The following STAT4 variants were observed in gnomAD, a reference collection of about 807,000 sequenced individuals.
STAT4 encodes the protein signal transducer and activator of transcription 4.
Under a neutral mutation model 110.5 loss-of-function variants are expected in STAT4, and 42 were observed. That is an observed-to-expected ratio of 0.38 (90% CI 0.30 to 0.49). The LOEUF is 0.49. Among genes scored for constraint, STAT4 ranks in the 20% least tolerant of loss-of-function variants. The probability of loss-of-function intolerance (pLI) is 0.95; values close to 1 mark genes in which losing one functional copy is unlikely to be tolerated. For missense variants in STAT4, 632 were observed against 887.9 expected (o/e 0.71, Z 3.66); for synonymous variants, 284 against 302.2 (o/e 0.94, Z 0.63).
Position 191,138,550 on chromosome 2 carries a change from A to G in STAT4, c.273+8063T>C, listed in dbSNP as rs528952939. Among the ~76,000 whole-genome samples, 1 of 152,280 alleles carries G rather than the reference A, an allele frequency of 6.6e-6. No individual in the cohort carries two copies. Among genetic ancestry groups the G allele is most frequent in the African/African-American group, 2.4e-5 (1 of 41,562 alleles). On this transcript the variant is annotated intron_variant, in intron 3 of 23. Coordinates refer to ENST00000392320, the MANE Select transcript of STAT4 (RefSeq NM_003151.4). The surrounding 1 kb of genome is among the most constrained non-coding windows in gnomAD (Gnocchi z 4.3). ...GAAATATAAAACCCTCCTAAATTAAATCAGGAAGAAACAGAAACCCTGAAC... is the reference window on the plus strand; with the variant it reads ...GAAATATAAAACCCTCCTAAATTAAGTCAGGAAGAAACAGAAACCCTGAAC...
rs1695841138 is a variant in STAT4 at position 191,029,992 on chromosome 2, A to G, written c.2221-126T>C. ...CATAATTTTTCTATTACCTAGTTAA[A>G]ATACTTAAACTAAGTATTTGCAAAA... On this transcript the variant is annotated intron_variant, in intron 23 of 23. Coordinates refer to ENST00000392320, the MANE Select transcript of STAT4 (RefSeq NM_003151.4). The surrounding 1 kb of genome is among the most constrained non-coding windows in gnomAD (Gnocchi z 4.5). The G allele has an allele frequency of 1.3e-6, 1 of 749,696 alleles. No homozygotes were observed. The highest frequency in any genetic ancestry group is 2.5e-5 in the Admixed American group (1 of 40,204). 46.4% of individuals were successfully genotyped at this position (749,696 alleles called of 1,614,324 possible).
chr2:191,075,776 C>T (rs1231271615), intron 4 of STAT4, among the ~76,000 whole-genome samples: 1 of 151,634 alleles, frequency 6.6e-6, no homozygotes, highest in Non-Finnish European at 1.5e-5. Context: ...GATGGTGGCA[C>T]CACTAACATA....
At position 191,042,740 on chromosome 2, in the gene STAT4, A is replaced by G. The variant is rs925500084; in HGVS notation, c.1252-1592T>C. ...TAGGCAAAATATTAATCATTGTTGA[A>G]GTTAGGTGATGCTTAAATTCATTCA... is the stretch of plus-strand genomic sequence containing the variant. On this transcript the variant is annotated intron_variant, in intron 14 of 23. Coordinates refer to ENST00000392320, the MANE Select transcript of STAT4 (RefSeq NM_003151.4). The surrounding 1 kb of genome is among the most constrained non-coding windows in gnomAD (Gnocchi z 4.2). 6.6e-6 allele frequency among the ~76,000 whole-genome samples: 1 copy of G among 152,062 alleles called. No individual in the cohort carries two copies. Among genetic ancestry groups the G allele is most frequent in the African/African-American group, 2.4e-5 (1 of 41,406 alleles).
rs1695969951 is a variant in STAT4, at chr2:191,033,970, T to C, written c.1656A>G (p.Thr552=). 2.5e-6 allele frequency: 4 copies of C among 1,612,622 alleles called. No individual in the cohort carries two copies. The highest frequency in any genetic ancestry group is 2.5e-6 in the Non-Finnish European group (3 of 1,179,490). ...HLPGKSFTFW[T]WLEAILDLIK... is the part of the protein sequence containing the mutation. ...TTAGATCCAATATTGCTTCAAGCCA[T>C]GTCCAAAAGGTAAATGATTTACCAG... is the stretch of plus-strand genomic sequence containing the variant. The change falls in exon 19 of 24, where the codon ACA becomes ACG. Residue 552 remains threonine (T), a synonymous_variant. Transcript: ENST00000392320. This position sits in a 1 kb window ranked among gnomAD's most constrained non-coding sequence, Gnocchi z 6.9.
At chr2:191,069,234 T>C (rs1478733149) in intron 6 of STAT4, among the ~76,000 whole-genome samples, 1 of 152,082 alleles carries the variant, frequency 6.6e-6, no homozygotes, top group Non-Finnish European at 1.5e-5. Flanking sequence ...TGCTTTTGCC[T>C]ATATTTTAGG....
intron 4 of STAT4, among the ~76,000 whole-genome samples, chr2:191,074,313 G>A (rs936811424): frequency 2.0e-5 from 3 of 152,200 alleles, no homozygotes; most frequent in Admixed American, 6.5e-5. Context: ...ATTCAGTGCA[G>A]TAACCTCAAG....
chr2:191,142,761 A>T lies in STAT4; in HGVS notation c.273+3852T>A, dbSNP rs1426962555. On this transcript the variant is annotated intron_variant, in intron 3 of 23. Transcript: ENST00000392320. This position sits in a 1 kb window ranked among gnomAD's most constrained non-coding sequence, Gnocchi z 4.1. ...GTATATCAATAAAAAAAGAATTATC[A>T]CATGGGAGAAAAATCCAGAGAGTGA... Among the ~76,000 whole-genome samples, 4 of 152,164 alleles carry T rather than the reference A, an allele frequency of 2.6e-5. No homozygotes were observed. The highest frequency in any genetic ancestry group is 9.7e-5 in the African/African-American group (4 of 41,430).
At chr2:191,149,047 C>A (rs1699527188) in intron 1 of STAT4, among the ~76,000 whole-genome samples, 1 of 152,200 alleles carries the variant, frequency 6.6e-6, no homozygotes, top group Non-Finnish European at 1.5e-5. Flanking sequence ...AAGCTGTAGA[C>A]ATATTTCCTA....
chr2:191,093,218 C>T (rs1043212207), intron 3 of STAT4, among the ~76,000 whole-genome samples: 2 of 152,194 alleles, frequency 1.3e-5, no homozygotes, highest in Non-Finnish European at 2.9e-5. Context: ...AGTGTTTGAG[C>T]TCTGAGAATG....
chr2:191,130,220 C>CTTT (rs34523590), intron 3 of STAT4, among the ~76,000 whole-genome samples: 22 of 115,796 alleles, frequency 1.9e-4, no homozygotes, highest in Middle Eastern at 4.2e-3. Flanking sequence ...GTCTATCTCC[C>CTTT]TTTTTTTTTT....
chr2:191,043,902 T>A lies in STAT4; in HGVS notation c.1252-2754A>T, dbSNP rs1696276475. Among the ~76,000 whole-genome samples the A allele has an allele frequency of 6.6e-6, 1 of 151,616 alleles. No individual in the cohort carries two copies. The highest frequency in any genetic ancestry group is 1.5e-5 in the Non-Finnish European group (1 of 67,992). On this transcript the variant is annotated intron_variant, in intron 14 of 23. Coordinates refer to ENST00000392320, the MANE Select transcript of STAT4 (RefSeq NM_003151.4). This position sits in a 1 kb window ranked among gnomAD's most constrained non-coding sequence, Gnocchi z 4.8. ...TCTAAATTTATAATACAGAATAATATAAAGTATATAGAAACATATTCATTC... is the reference window on the plus strand; with the variant it reads ...TCTAAATTTATAATACAGAATAATAAAAAGTATATAGAAACATATTCATTC...
chr2:191,110,974 C>T lies in STAT4; in HGVS notation c.274-34649G>A, dbSNP rs1266556107. Among the ~76,000 whole-genome samples the T allele has an allele frequency of 6.6e-6, 1 of 152,042 alleles. No homozygotes were observed. The highest frequency in any genetic ancestry group is 1.5e-5 in the Non-Finnish European group (1 of 68,004). On this transcript the variant is annotated intron_variant, in intron 3 of 23. Coordinates refer to ENST00000392320, the MANE Select transcript of STAT4 (RefSeq NM_003151.4). This position sits in a 1 kb window ranked among gnomAD's most constrained non-coding sequence, Gnocchi z 4.5. ...AATTTTTCTGTATTTTTAGTAGAGA[C>T]AAGGTTTCACCATGTTGCCCAGGCT...
At position 191,033,019 on chromosome 2, in the gene STAT4, T is replaced by C. The variant is rs767240927; in HGVS notation, c.1983A>G (p.Leu661=). The change falls in exon 21 of 24, where the codon CTA becomes CTG. Residue 661 remains leucine (L), a synonymous_variant. Coordinates refer to ENST00000392320, the MANE Select transcript of STAT4 (RefSeq NM_003151.4). The surrounding 1 kb of genome is among the most constrained non-coding windows in gnomAD (Gnocchi z 6.9). The part of the protein sequence containing the change: ...ENIPENPLKY[L]YPDIPKDKAF... The stretch of plus-strand genomic sequence containing the variant: ...CTTTGTCTTTGGGAATGTCAGGATA[T>C]AGGTACTTCAGAGGGTTTTCAGGAA... The C allele has an allele frequency of 8.7e-6, 14 of 1,614,086 alleles. No homozygotes were observed. In the Admixed American group the frequency reaches 2.0e-4, roughly 23 times the overall value.
At position 191,131,166 on chromosome 2, in the gene STAT4, T is replaced by G. The variant is rs545738494; in HGVS notation, c.273+15447A>C. ...AAAAACAATTTGGCATTATGTAATA[T>G]AATTAAAGATGTACATAGTGCATGA... On this transcript the variant is annotated intron_variant, in intron 3 of 23. Transcript: ENST00000392320. Among the ~76,000 whole-genome samples the G allele has an allele frequency of 5.7e-4, 87 of 151,896 alleles. 1 individual carries two copies. The South Asian group carries it at 0.018, about 31-fold the overall frequency.
intron 4 of STAT4, among the ~76,000 whole-genome samples, chr2:191,073,688 TCAAA>T (rs35290875): frequency 5.3e-5 from 8 of 151,016 alleles, no homozygotes; most frequent in African/African-American, 7.3e-5. Context: ...AGACTCCGTC[TCAAA>T]CAAACAAACA....
At chr2:191,148,426 C>T (rs764618514) in intron 1 of STAT4, among the ~76,000 whole-genome samples, 1 of 152,030 alleles carries the variant, frequency 6.6e-6, no homozygotes, top group African/African-American at 2.4e-5. Flanking sequence ...AAAATGAACT[C>T]CTGTTCTACC....
intron 13 of STAT4, among the ~76,000 whole-genome samples, chr2:191,055,510 C>A (rs1411139436): frequency 1.3e-5 from 2 of 151,126 alleles, no homozygotes; most frequent in African/African-American, 2.4e-5. Flanking sequence ...TGAGCCACTG[C>A]GCCAGGCTAA....
chr2:191,041,910 A>G (rs1574700991), intron 14 of STAT4, among the ~76,000 whole-genome samples: 1 of 152,216 alleles, frequency 6.6e-6, no homozygotes, highest in East Asian at 1.9e-4. Context: ...GGCTCTCTAC[A>G]TTCTGGGAAC....
In STAT4 at chr2:191,061,988, C is replaced by A. The variant is rs1217180839; in HGVS notation, c.942-167G>T. Among the ~76,000 whole-genome samples the A allele has an allele frequency of 6.6e-6, 1 of 152,210 alleles. No homozygotes were observed. The highest frequency in any genetic ancestry group is 1.5e-5 in the Non-Finnish European group (1 of 68,028). ...ATCTTTACAATGACTTTTTATAAAT[C>A]ATTTCACAGCAGTAAATGATTCTTA... On this transcript the variant is annotated intron_variant, in intron 9 of 23. Coordinates refer to ENST00000392320, the MANE Select transcript of STAT4 (RefSeq NM_003151.4). The surrounding 1 kb of genome is among the most constrained non-coding windows in gnomAD (Gnocchi z 6.2).
Sources: gnomAD v4.1 joint callset for allele counts (sites outside exome capture counted in the v4.1 genomes callset) on GRCh38, gnomAD v4.1.1 for gene constraint, Gnocchi (gnomAD v3.1) non-coding constraint, MANE v1.5 for transcripts, NCBI Gene and HGNC (gene_info 2026-07-23, HGNC 2026-07-21) for gene names.